Variants in PRSS23 observed in about 807,000 individuals in gnomAD.
PRSS23 encodes protease, serine 23.
A neutral mutation model predicts 34.7 loss-of-function variants in PRSS23; 25 were observed. The observed-to-expected ratio is 0.72, with a 90% CI of 0.53 to 1.01. PRSS23 has a LOEUF of 1.01. Ranked by LOEUF, PRSS23 falls within the 50% of genes least tolerant of loss-of-function variation. PRSS23 has a pLI of 0.00. For missense variants in PRSS23, 445 were observed against 475.6 expected (o/e 0.94, Z 0.60); for synonymous variants, 176 against 186.6 (o/e 0.94, Z 0.46).
chr11:86,840,145 T>C (rs1948436727), intron 2 of PRSS23, among the ~76,000 whole-genome samples: 2 of 152,102 alleles, frequency 1.3e-5, no homozygotes, highest in Admixed American at 6.6e-5. Context: ...AATTAAAAGC[T>C]ACAGATTGGC....
chr11:86,856,456 G>A (rs527782445), intron 2 of PRSS23, among the ~76,000 whole-genome samples: 54 of 152,208 alleles, frequency 3.5e-4, no homozygotes, highest in African/African-American at 1.2e-3. Context: ...GAACCGAACC[G>A]GTGACACGGA....
intron 2 of PRSS23, among the ~76,000 whole-genome samples, chr11:86,941,863 T>C (rs1364100395): frequency 1.3e-5 from 2 of 152,184 alleles, no homozygotes; most frequent in African/African-American, 4.8e-5. Flanking sequence ...ATGGTGGCCA[T>C]GTTTGTCATC....
At chr11:86,880,648 G>A (rs1273554579) in intron 2 of PRSS23, among the ~76,000 whole-genome samples, 2 of 151,886 alleles carry the variant, frequency 1.3e-5, no homozygotes, top group South Asian at 2.1e-4. Flanking sequence ...CCCTCCCCTT[G>A]CCCTCCACCT....
At chr11:86,878,434 C>T (rs560694689) in intron 2 of PRSS23, among the ~76,000 whole-genome samples, 19 of 152,264 alleles carry the variant, frequency 1.2e-4, no homozygotes, top group African/African-American at 4.1e-4. Context: ...GACTGCTTTT[C>T]GTATTTTTTT....
upstream of PRSS23, among the ~76,000 whole-genome samples, chr11:86,798,633 A>T (rs538638078): frequency 6.6e-6 from 1 of 152,192 alleles, no homozygotes; most frequent in East Asian, 1.9e-4. Context: ...AATTTTTATA[A>T]ATCTGTTTTG....
intron 2 of PRSS23, among the ~76,000 whole-genome samples, chr11:86,917,274 G>C (rs1017880623): frequency 6.6e-6 from 1 of 152,234 alleles, no homozygotes; most frequent in Admixed American, 6.5e-5. Flanking sequence ...AGCTGAGATT[G>C]TGCCATTGCA....
At chr11:86,818,742 G>C (rs546284328) in intron 1 of PRSS23, among the ~76,000 whole-genome samples, 1 of 152,112 alleles carries the variant, frequency 6.6e-6, no homozygotes, top group Non-Finnish European at 1.5e-5. Flanking sequence ...TTTGTTTTTA[G>C]TTTGATCTTT....
intron 2 of PRSS23, among the ~76,000 whole-genome samples, chr11:86,914,946 G>A (rs999216963): frequency 6.6e-6 from 1 of 152,186 alleles, no homozygotes; most frequent in African/African-American, 2.4e-5. Context: ...AAATAACCAC[G>A]AGGGCTTTAG....
chr11:86,815,399 A>G (rs1221683706), downstream of PRSS23, among the ~76,000 whole-genome samples: 1 of 152,230 alleles, frequency 6.6e-6, no homozygotes. Context: ...CACAATTAGA[A>G]CAGTGCCTGG....
chr11:86,852,230 G>A (rs1444341395), intron 2 of PRSS23, among the ~76,000 whole-genome samples: 2 of 152,180 alleles, frequency 1.3e-5, no homozygotes, highest in African/African-American at 2.4e-5. Context: ...TGAGCCTCCT[G>A]ATAGAGGTGA....
At chr11:86,816,137 C>T (rs1410710950), downstream of PRSS23, among the ~76,000 whole-genome samples, 1 of 152,164 alleles carries the variant, frequency 6.6e-6, no homozygotes, top group African/African-American at 2.4e-5. Flanking sequence ...CAAACACATC[C>T]GTGTTTTCAA....
chr11:86,853,582 A>G (rs10898539), intron 2 of PRSS23, among the ~76,000 whole-genome samples: 54,622 of 151,924 alleles, frequency 0.36, 9,972 homozygotes, highest in East Asian at 0.46. Context: ...AAGGCTGAAT[A>G]GTCTTCCATT....
chr11:86,823,515 G>A (rs530159113), exon 2 of PRSS23: 4 of 702,534 alleles, frequency 5.7e-6, no homozygotes, highest in African/African-American at 3.5e-5. Context: ...CTAGGTTCCA[G>A]GACCTGGCTA....
At position 86,847,350 on chromosome 11, in the gene PRSS23, T is replaced by C. The variant is rs992812987; in HGVS notation, c.206+23757T>C. Among the ~76,000 whole-genome samples the C allele has an allele frequency of 2.1e-4, 32 of 152,158 alleles. 2 individuals carry two copies. Among genetic ancestry groups the C allele is most frequent in the African/African-American group, 7.7e-4 (32 of 41,436 alleles). ...CCTTGCCACCCTGGAACAGGTTGGA[T>C]GTATTGGCAGAAGGACCATAATAAA... On this transcript the variant is annotated intron_variant, in intron 2 of 2. Transcript: ENST00000533902.
intron 1 of PRSS23, among the ~76,000 whole-genome samples, chr11:86,794,220 A>T (rs1947967501): frequency 6.6e-6 from 1 of 152,214 alleles, no homozygotes; most frequent in South Asian, 2.1e-4. Flanking sequence ...TTCAGAAAAA[A>T]AATTTCCAAT....
At chr11:86,848,954 C>G (rs1948508789) in intron 2 of PRSS23, among the ~76,000 whole-genome samples, 1 of 152,156 alleles carries the variant, frequency 6.6e-6, no homozygotes, top group African/African-American at 2.4e-5. Flanking sequence ...AACAAACTGC[C>G]CCCTCGCCCA....
chr11:86,892,202 C>G (rs1158660684), intron 2 of PRSS23: 1 of 152,192 alleles, frequency 6.6e-6, no homozygotes, highest in Non-Finnish European at 1.5e-5. Flanking sequence ...TTAAAATGAC[C>G]AAATGTCTCA....
chr11:86,928,996 T>C (rs1323208865), intron 2 of PRSS23, among the ~76,000 whole-genome samples: 1 of 151,886 alleles, frequency 6.6e-6, no homozygotes. Context: ...AGTGGTACAA[T>C]CCCATGGAAA....
At chr11:86,917,867 C>T (rs1949024036) in intron 2 of PRSS23, among the ~76,000 whole-genome samples, 1 of 152,322 alleles carries the variant, frequency 6.6e-6, no homozygotes, top group Non-Finnish European at 1.5e-5. Flanking sequence ...CTGGGCATTG[C>T]ACCAAGCACA....
Sources: gnomAD v4.1 joint callset for allele counts (sites outside exome capture counted in the v4.1 genomes callset) on GRCh38, gnomAD v4.1.1 for gene constraint, MANE v1.5 for transcripts, NCBI Gene and HGNC (gene_info 2026-07-23, HGNC 2026-07-21) for gene names.